The following CNOT6L variants were observed in gnomAD, a reference collection of about 807,000 sequenced individuals.
CNOT6L encodes the protein CCR4-NOT transcription complex subunit 6 like, also known as CCR4-NOT transcription complex subunit 6-like.
In CNOT6L, 7 loss-of-function variants were observed where a neutral mutation model predicts 64.0. That is an observed-to-expected ratio of 0.11 (90% CI 0.06 to 0.21). CNOT6L has a LOEUF of 0.21. CNOT6L is among the 10% of genes least tolerant of loss of function. The probability of loss-of-function intolerance (pLI) is 1.00; values close to 1 mark genes in which losing one functional copy is unlikely to be tolerated. For missense variants in CNOT6L, 245 were observed against 669.0 expected (o/e 0.37, Z 6.99); for synonymous variants, 193 against 243.4 (o/e 0.79, Z 1.93).
chr4:77,784,463 A>G (rs1219920693), intron 1 of CNOT6L, among the ~76,000 whole-genome samples: 1 of 151,940 alleles, frequency 6.6e-6, no homozygotes, highest in Non-Finnish European at 1.5e-5. Context: ...CTTGCATTTA[A>G]TGCCTCCTAC....
At chr4:77,721,067 C>T (rs1209348627) in intron 11 of CNOT6L, among the ~76,000 whole-genome samples, 1 of 152,152 alleles carries the variant, frequency 6.6e-6, no homozygotes, top group African/African-American at 2.4e-5. Flanking sequence ...CAATTATTTG[C>T]ATATCAAGAT....
At chr4:77,754,888 T>TAAAGAAAAAAAAAA (rs1725294323) in intron 5 of CNOT6L, among the ~76,000 whole-genome samples, 1 of 36,956 alleles carries the variant, frequency 2.7e-5, no homozygotes, top group Non-Finnish European at 4.7e-5. Flanking sequence ...ACATTAGAAG[T>TAAAGAAAAAAAAAA]AAAAAAAAAA....
chr4:77,736,781 T>C (rs12172976), intron 8 of CNOT6L, among the ~76,000 whole-genome samples: 7,152 of 152,216 alleles, frequency 0.047, 446 homozygotes, highest in East Asian at 0.18. Context: ...TTCCTGATGA[T>C]ATTTTATTCT....
intron 5 of CNOT6L, among the ~76,000 whole-genome samples, chr4:77,756,210 T>G (rs1375639178): frequency 2.0e-5 from 3 of 152,140 alleles, no homozygotes; most frequent in Non-Finnish European, 4.4e-5. Flanking sequence ...CAGGCTGGTC[T>G]CAGAACTCCT....
At chr4:77,731,938 T>C (rs1411042665) in intron 8 of CNOT6L, 1 of 157,786 alleles carries the variant, frequency 6.3e-6, no homozygotes, top group Admixed American at 6.4e-5. Context: ...TTGTTTAAGC[T>C]ACTGCTAGAA....
intron 1 of CNOT6L, among the ~76,000 whole-genome samples, chr4:77,809,821 T>G (rs963256087): frequency 6.6e-6 from 1 of 152,116 alleles, no homozygotes; most frequent in Non-Finnish European, 1.5e-5. Context: ...AACTTTAAGA[T>G]TAGAGAGGGA....
intron 5 of CNOT6L, among the ~76,000 whole-genome samples, chr4:77,755,088 A>G (rs977980417): frequency 3.3e-5 from 5 of 151,650 alleles, no homozygotes; most frequent in African/African-American, 1.2e-4. Context: ...ATTTAATAAT[A>G]GCATGGGAGC....
At chr4:77,815,092 T>G (rs1007683538) in intron 1 of CNOT6L, among the ~76,000 whole-genome samples, 1 of 152,180 alleles carries the variant, frequency 6.6e-6, no homozygotes, top group African/African-American at 2.4e-5. Context: ...TCCACCTAAA[T>G]GAGATTTCCC....
upstream of CNOT6L, among the ~76,000 whole-genome samples, chr4:77,819,860 G>C (rs1324811032): frequency 6.6e-6 from 1 of 151,522 alleles, no homozygotes; most frequent in Non-Finnish European, 1.5e-5. Context: ...GGTCGGGAAG[G>C]GGGACGAGGG....
At chr4:77,810,683 C>T (rs920000303) in intron 1 of CNOT6L, among the ~76,000 whole-genome samples, 4 of 152,228 alleles carry the variant, frequency 2.6e-5, no homozygotes, top group African/African-American at 9.6e-5. Flanking sequence ...TTTGAAACTA[C>T]ATAATAATAT....
intron 5 of CNOT6L, among the ~76,000 whole-genome samples, chr4:77,751,421 G>C (rs965590072): frequency 2.6e-5 from 4 of 152,192 alleles, no homozygotes; most frequent in Non-Finnish European, 5.9e-5. Flanking sequence ...AAAATATCTA[G>C]ATTAGTATTA....
chr4:77,820,252 G>A (rs940827873), upstream of CNOT6L, among the ~76,000 whole-genome samples: 1 of 152,312 alleles, frequency 6.6e-6, no homozygotes, highest in Non-Finnish European at 1.5e-5. Context: ...GATTGACGTG[G>A]AGGGGCTGGC....
chr4:77,758,569 C>T (rs1725827021), intron 4 of CNOT6L, among the ~76,000 whole-genome samples: 1 of 152,168 alleles, frequency 6.6e-6, no homozygotes, highest in Non-Finnish European at 1.5e-5. Context: ...AAACTGCTGT[C>T]CCAAACACAA....
intron 1 of CNOT6L, among the ~76,000 whole-genome samples, chr4:77,811,608 C>G (rs995415324): frequency 6.6e-6 from 1 of 151,954 alleles, no homozygotes; most frequent in African/African-American, 2.4e-5. Context: ...AAATCTAGCC[C>G]CTCTTCCTCC....
chr4:77,797,075 C>T (rs1007274953), intron 1 of CNOT6L, among the ~76,000 whole-genome samples: 4 of 135,520 alleles, frequency 3.0e-5, no homozygotes, highest in African/African-American at 1.1e-4. Context: ...CCACTGCACT[C>T]CAGCCTGACA....
In CNOT6L at chr4:77,742,170, A is replaced by G; in HGVS notation, c.843T>C (p.Asp281=). 1.2e-6 allele frequency: 2 copies of G among 1,613,536 alleles called. No homozygotes were observed. The highest frequency in any genetic ancestry group is 1.7e-6 in the Non-Finnish European group (2 of 1,179,612). ...IMSEQERKHV[D]GCAIFFKTEK... ...CTGTTTTGAAGAATATTGCACAACC[A>G]TCTACATGCTTTCTCTCCTGCTCAG... Residue 281 remains aspartate, a synonymous_variant, in exon 8 of 12, where the codon GAT becomes GAC. Coordinates refer to ENST00000504123, the MANE Select transcript of CNOT6L (RefSeq NM_144571.3).
chr4:77,790,885 C>T (rs1412260971), intron 1 of CNOT6L, among the ~76,000 whole-genome samples: 1 of 150,908 alleles, frequency 6.6e-6, no homozygotes, highest in Non-Finnish European at 1.5e-5. Flanking sequence ...GTCTCGAACA[C>T]TCCTGACCTC....
intron 4 of CNOT6L, among the ~76,000 whole-genome samples, chr4:77,768,961 T>C (rs543902655): frequency 6.6e-6 from 1 of 152,252 alleles, no homozygotes. Flanking sequence ...TCAGGAGACA[T>C]GTATGAGTCT....
intron 8 of CNOT6L, among the ~76,000 whole-genome samples, chr4:77,741,730 A>T (rs963440496): frequency 2.0e-5 from 3 of 152,220 alleles, no homozygotes; most frequent in African/African-American, 7.2e-5. Context: ...ACATTTAGTG[A>T]ATAAATGATT....
Sources: allele counts gnomAD v4.1 joint callset (sites outside exome capture counted in the v4.1 genomes callset), GRCh38; gene constraint gnomAD v4.1.1; transcripts MANE v1.5; gene names NCBI Gene and HGNC (gene_info 2026-07-23, HGNC 2026-07-21).